Variants in ELN observed in about 807,000 individuals in gnomAD.
ELN encodes the protein tropoelastin.
Under a neutral mutation model 105.8 loss-of-function variants are expected in ELN, and 65 were observed. The ratio of observed to expected loss-of-function variants is 0.61; its 90% confidence interval spans 0.50 to 0.75. The LOEUF (loss-of-function observed/expected upper bound fraction) is 0.75. Among genes scored for constraint, ELN ranks in the 30% least tolerant of loss-of-function variants. The pLI is 0.00. For missense variants in ELN, 882 were observed against 969.4 expected (o/e 0.91, Z 1.20); for synonymous variants, 368 against 389.2 (o/e 0.95, Z 0.64).
chr7:74,061,983 G>A (rs1357668582), intron 26 of ELN, among the ~76,000 whole-genome samples: 3 of 152,306 alleles, frequency 2.0e-5, no homozygotes, highest in South Asian at 4.2e-4. Context: ...GCCCCCGCCC[G>A]CCTTCCTGTC....
chr7:74,031,830 GAGAC>G (rs1188374455), intron 1 of ELN, among the ~76,000 whole-genome samples: 2 of 142,888 alleles, frequency 1.4e-5, no homozygotes, highest in Admixed American at 7.4e-5. Flanking sequence ...GAGAGAGAGA[GAGAC>G]AGAAAGAAAG....
chr7:74,045,954 G>T (rs1191710009), intron 10 of ELN: 2 of 568,862 alleles, frequency 3.5e-6, no homozygotes, highest in East Asian at 3.0e-5. Context: ...AGAATCGCCA[G>T]AACCTGGGAG....
In ELN at chr7:74,065,934, C is replaced by T. The variant is rs782119278; in HGVS notation, c.2033-10C>T. ...GGTGTCTTATCCTGACCCCACCTGC[C>T]TCTTCTCAGGTGCTGCTGGCCTTGG... On this transcript the variant is annotated splice_polypyrimidine_tract_variant and intron_variant, in intron 30 of 32. Coordinates refer to ENST00000252034, the MANE Select transcript of ELN (RefSeq NM_000501.4). 2.5e-6 allele frequency: 4 copies of T among 1,614,040 alleles called. No homozygotes were observed. The highest frequency in any genetic ancestry group is 2.7e-5 in the African/African-American group (2 of 74,920).
intron 22 of ELN, among the ~76,000 whole-genome samples, chr7:74,058,027 C>T (rs1222477031): frequency 6.6e-6 from 1 of 151,712 alleles, no homozygotes; most frequent in Admixed American, 6.6e-5. Flanking sequence ...TCTCTTTCTC[C>T]TTCTCCTTCT....
chr7:74,048,390 C>G, intron 14 of ELN, 113 bp from the exon 15 acceptor site: 1 of 1,539,360 alleles, frequency 6.5e-7, no homozygotes, highest in Non-Finnish European at 9.0e-7. Context: ...CTCTGAAGCT[C>G]CCATGTATAC....
chr7:74,034,074 T>C (rs1002899343), intron 1 of ELN, among the ~76,000 whole-genome samples: 4 of 152,154 alleles, frequency 2.6e-5, no homozygotes, highest in African/African-American at 4.8e-5. Context: ...AGGAAACTAT[T>C]CACTGTGCTC....
chr7:74,052,115 T>G, intron 17 of ELN, 132 bp downstream of exon 17: 1 of 1,000,308 alleles, frequency 1.0e-6, no homozygotes, highest in Non-Finnish European at 1.5e-6. Context: ...TCCTTACCTT[T>G]GCCCCTTCTG....
At chr7:74,060,240 G>A in intron 24 of ELN, 56 bp downstream of exon 24, 2 of 1,613,944 alleles carry the variant, frequency 1.2e-6, no homozygotes, top group Admixed American at 1.7e-5. Context: ...AGCTGGTTAG[G>A]GGCAACAGCC....
In ELN at chr7:74,056,357, G is replaced by C. The variant is rs148792668; in HGVS notation, c.1237G>C (p.Gly413Arg). ...TCCCGGCTTTGGTGTCGGAGTCGGA[G>C]GTATCCCTGGAGTCGCAGGTGTCCC... The part of the protein sequence containing the change: ...GFPGFGVGVG[G>R]IPGVAGVPGV... The change falls in exon 20 of 33, where the codon GGT (glycine) becomes CGT (arginine). Residue 413 changes from glycine to arginine, a missense_variant. Gly to Arg is a moderately radical substitution (Grantham distance 125, BLOSUM62 -2). Transcript: ENST00000252034. 1 of 1,613,642 alleles carries C rather than the reference G, an allele frequency of 6.2e-7. No individual in the cohort carries two copies. The highest frequency in any genetic ancestry group is 1.7e-5 in the Admixed American group (1 of 59,956).
rs1554688852 is a variant in ELN at position 74,065,948 on chromosome 7, T to C, written c.2037T>C (p.Ala679=). 1 of 1,614,186 alleles carries C rather than the reference T, an allele frequency of 6.2e-7. No homozygotes were observed. Among genetic ancestry groups the C allele is most frequent in the Non-Finnish European group, 8.5e-7 (1 of 1,180,022 alleles). Residue 679 remains alanine, a synonymous_variant, in exon 31 of 33, where the codon GCT becomes GCC. Coordinates refer to ENST00000252034, the MANE Select transcript of ELN (RefSeq NM_000501.4). ...ACCCCACCTGCCTCTTCTCAGGTGC[T>C]GCTGGCCTTGGAGGTGTCCTAGGGG... ...AAAAKAAKYG[A]AGLGGVLGGA...
At chr7:74,061,946 C>G (rs1462931465) in intron 26 of ELN, among the ~76,000 whole-genome samples, 1 of 152,202 alleles carries the variant, frequency 6.6e-6, no homozygotes, top group South Asian at 2.1e-4. Context: ...AGCAAAGGAG[C>G]TGGTATTCCT....
chr7:74,035,868 G>A (rs1454931427), intron 2 of ELN, among the ~76,000 whole-genome samples: 3 of 151,928 alleles, frequency 2.0e-5, no homozygotes, highest in Admixed American at 1.3e-4. Context: ...GAGCTTAGGA[G>A]TTCAAGGCTG....
intron 10 of ELN, 89 bp downstream of exon 10, chr7:74,045,382 TG>T (rs1392241416): frequency 6.2e-6 from 9 of 1,461,790 alleles, no homozygotes; most frequent in Non-Finnish European, 8.5e-6. Flanking sequence ...GATCCTGGAC[TG>T]GCTCAGGGCC....
At chr7:74,040,762 G>A (rs1019429688) in intron 4 of ELN, among the ~76,000 whole-genome samples, 7 of 152,140 alleles carry the variant, frequency 4.6e-5, no homozygotes, top group Non-Finnish European at 1.0e-4. Flanking sequence ...GGGCTGCAGG[G>A]CAGGCTGGAT....
intron 1 of ELN, 51 bp downstream of exon 1, chr7:74,028,320 T>G: frequency 6.4e-7 from 1 of 1,572,198 alleles, no homozygotes; most frequent in East Asian, 2.3e-5. Context: ...TGCGGGCCCT[T>G]TGGGCCAGGT....
At position 74,028,192 on chromosome 7, in the gene ELN, C is replaced by A. The variant is rs782766792; in HGVS notation, c.5C>A (p.Ala2Glu). Reference sequence around the variant, plus strand: ...GCTGGGGCATTTCTCCCCGAGATGGCGGGTCTGACGGCGGCGGCCCCGCGG... The same window carrying A: ...GCTGGGGCATTTCTCCCCGAGATGGAGGGTCTGACGGCGGCGGCCCCGCGG... Reference protein sequence around the residue: MAGLTAAAPRPG... With the variant: MEGLTAAAPRPG... The change falls in exon 1 of 33, where the codon GCG becomes GAG. Residue 2 changes from alanine to glutamate, a missense_variant. By Grantham distance (107) the Ala-to-Glu change is moderately radical (BLOSUM62 -1). Coordinates refer to ENST00000252034, the MANE Select transcript of ELN (RefSeq NM_000501.4). 1.8e-5 allele frequency: 29 copies of A among 1,610,760 alleles called. No individual in the cohort carries two copies. Among genetic ancestry groups the A allele is most frequent in the Non-Finnish European group, 1.2e-5 (14 of 1,179,282 alleles).
Position 74,047,100 on chromosome 7 carries a change from G to GAA in ELN, c.643+342_643+343dup, listed in dbSNP as rs11444741. On this transcript the variant is annotated intron_variant, in intron 12 of 32. Transcript: ENST00000252034. ...CTCTCCTCCAAAAAAAGAAAAAGAA[G>GAA]AAAAAAAAAATGTACCACTCACTGC... Among the ~76,000 whole-genome samples the GAA allele has an allele frequency of 1.3e-4, 19 of 149,606 alleles. 1 individual carries two copies. In the East Asian group the frequency reaches 3.3e-3, roughly 26 times the overall value.
chr7:74,034,184 T>C (rs1789375383), intron 1 of ELN, among the ~76,000 whole-genome samples: 1 of 152,214 alleles, frequency 6.6e-6, no homozygotes, highest in African/African-American at 2.4e-5. Flanking sequence ...CTGAGGACGC[T>C]GACCTCACGC....
intron 32 of ELN, among the ~76,000 whole-genome samples, chr7:74,067,557 C>A (rs1326700469): frequency 6.6e-6 from 1 of 151,768 alleles, no homozygotes; most frequent in Non-Finnish European, 1.5e-5. Flanking sequence ...TGAGCCACCA[C>A]GTCCGGCCGT....
Sources: gnomAD v4.1 joint callset for allele counts (sites outside exome capture counted in the v4.1 genomes callset) on GRCh38, gnomAD v4.1.1 for gene constraint, MANE v1.5 for transcripts, NCBI Gene and HGNC (gene_info 2026-07-23, HGNC 2026-07-21) for gene names.